NPAS3: variants seen among roughly 807,000 people sequenced by gnomAD.
NPAS3 encodes neuronal PAS domain protein 3, also known as neuronal PAS domain-containing protein 3.
A neutral mutation model predicts 73.1 loss-of-function variants in NPAS3; 14 were observed. The observed-to-expected ratio is 0.19, with a 90% CI of 0.13 to 0.30. NPAS3 has a LOEUF of 0.30. NPAS3 is among the 10% of genes least tolerant of loss of function. The pLI is 1.00. For synonymous variants in NPAS3, 620 were observed against 541.5 expected, an observed-to-expected ratio of 1.14 and a Z score of -2.01; for missense variants, 1,096 against 1,250.0, an observed-to-expected ratio of 0.88 and a Z score of 1.86.
chr14:33,601,157 C>T (rs929337036), intron 5 of NPAS3, among the ~76,000 whole-genome samples: 4 of 152,128 alleles, frequency 2.6e-5, no homozygotes, highest in Non-Finnish European at 5.9e-5. Flanking sequence ...GAATTTATGT[C>T]GTGAAACAAG....
At chr14:33,281,623 C>G (rs1314403432) in intron 3 of NPAS3, among the ~76,000 whole-genome samples, 2 of 152,178 alleles carry the variant, frequency 1.3e-5, no homozygotes, top group African/African-American at 4.8e-5. Context: ...TAGAACAAGA[C>G]TCCACCTCAA....
chr14:33,159,566 T>TC (rs2044775091), intron 2 of NPAS3, among the ~76,000 whole-genome samples: 1 of 150,178 alleles, frequency 6.7e-6, no homozygotes, highest in Admixed American at 6.6e-5. Context: ...TTTTTTTTTT[T>TC]TTTTTGAGAT....
At chr14:33,664,339 C>G (rs1323421435) in intron 5 of NPAS3, among the ~76,000 whole-genome samples, 2 of 152,170 alleles carry the variant, frequency 1.3e-5, no homozygotes, top group Non-Finnish European at 2.9e-5. Flanking sequence ...AAACTGGACC[C>G]TTTCCTTACA....
intron 2 of NPAS3, among the ~76,000 whole-genome samples, chr14:33,057,173 G>A (rs921299376): frequency 4.6e-5 from 7 of 152,160 alleles, no homozygotes; most frequent in African/African-American, 1.7e-4. Context: ...CATGGTTTAG[G>A]TGACTGTATC....
chr14:33,199,789 A>G (rs536773496), intron 2 of NPAS3, among the ~76,000 whole-genome samples: 1 of 144,300 alleles, frequency 6.9e-6, no homozygotes, highest in South Asian at 2.1e-4. Context: ...ACTAATTTAC[A>G]GTAGGTTTAA....
intron 2 of NPAS3, among the ~76,000 whole-genome samples, chr14:33,209,237 C>A (rs546842770): frequency 2.0e-5 from 3 of 151,790 alleles, no homozygotes; most frequent in Non-Finnish European, 4.4e-5. Flanking sequence ...ATTATGTTAC[C>A]GTTACCTTAT....
intron 4 of NPAS3, among the ~76,000 whole-genome samples, chr14:33,477,153 CT>C (rs2051077347): frequency 6.6e-6 from 1 of 152,060 alleles, no homozygotes; most frequent in Non-Finnish European, 1.5e-5. Context: ...ATAATTTCAG[CT>C]TCTTTTGTCT....
intron 1 of NPAS3, among the ~76,000 whole-genome samples, chr14:33,051,296 A>AAAAAAAGAG (rs771840433): frequency 5.6e-5 from 8 of 142,554 alleles, no homozygotes; most frequent in African/African-American, 2.2e-4. Flanking sequence ...AAAAAAAAAA[A>AAAAAAAGAG]AGAGAGACTA....
chr14:33,199,452 A>G (rs532346006), intron 2 of NPAS3, among the ~76,000 whole-genome samples: 6 of 152,250 alleles, frequency 3.9e-5, no homozygotes, highest in Admixed American at 6.5e-5. Context: ...CGGCATTCTG[A>G]ATGTTACTGT....
intron 2 of NPAS3, 200 bp from the exon 3 acceptor site, chr14:33,214,982 G>A: frequency 5.1e-6 from 3 of 591,728 alleles, no homozygotes; most frequent in Non-Finnish European, 8.9e-6. Context: ...TTGGACTTGA[G>A]TTTACAAAAT....
intron 5 of NPAS3, among the ~76,000 whole-genome samples, chr14:33,627,597 A>C (rs1349978516): frequency 6.6e-6 from 1 of 152,244 alleles, no homozygotes; most frequent in Non-Finnish European, 1.5e-5. Context: ...CAAGGTAGGC[A>C]GCTGATTCTC....
At chr14:33,386,811 TAATG>T (rs1028600520) in intron 4 of NPAS3, among the ~76,000 whole-genome samples, 5 of 152,210 alleles carry the variant, frequency 3.3e-5, no homozygotes, top group African/African-American at 4.8e-5. Context: ...TGATTGACGT[TAATG>T]AGAATCAGGT....
At chr14:33,641,546 CTG>C (rs2058675877) in intron 5 of NPAS3, among the ~76,000 whole-genome samples, 1 of 152,142 alleles carries the variant, frequency 6.6e-6, no homozygotes, top group Non-Finnish European at 1.5e-5. Flanking sequence ...ATTCTTTTGA[CTG>C]TGTCTGAGGT....
At chr14:33,014,679 GTAA>G (rs1485874933) in intron 1 of NPAS3, among the ~76,000 whole-genome samples, 1 of 152,128 alleles carries the variant, frequency 6.6e-6, no homozygotes, top group Non-Finnish European at 1.5e-5. Context: ...AGGTACCTGG[GTAA>G]TAATATTACT....
chr14:33,657,914 T>C (rs1312985041), intron 5 of NPAS3, among the ~76,000 whole-genome samples: 2 of 152,192 alleles, frequency 1.3e-5, no homozygotes, highest in African/African-American at 4.8e-5. Flanking sequence ...AAATGCCAAC[T>C]CTTCCAAGTA....
intron 6 of NPAS3, among the ~76,000 whole-genome samples, chr14:33,714,647 T>TA (rs1160482057): frequency 6.6e-6 from 1 of 152,208 alleles, no homozygotes; most frequent in Non-Finnish European, 1.5e-5. Flanking sequence ...TTTCCCTTTT[T>TA]AAAAGCAAGA....
intron 3 of NPAS3, among the ~76,000 whole-genome samples, chr14:33,364,694 C>T (rs764062525): frequency 2.6e-5 from 4 of 152,126 alleles, no homozygotes; most frequent in Admixed American, 1.3e-4. Context: ...GAAGACATTT[C>T]CTCAGAGCAC....
intron 9 of NPAS3, among the ~76,000 whole-genome samples, chr14:33,784,016 C>CG (rs1776092868): frequency 6.6e-6 from 1 of 152,224 alleles, no homozygotes; most frequent in East Asian, 1.9e-4. Flanking sequence ...TCAGGGTACT[C>CG]GATCAGTATT....
chr14:33,766,834 C>G (rs1487286083), intron 7 of NPAS3, among the ~76,000 whole-genome samples: 1 of 152,148 alleles, frequency 6.6e-6, no homozygotes, highest in African/African-American at 2.4e-5. Flanking sequence ...ATTGTCACCC[C>G]CTCCCTGGAT....
Sources: allele counts gnomAD v4.1 joint callset (sites outside exome capture counted in the v4.1 genomes callset), GRCh38; gene constraint gnomAD v4.1.1; transcripts MANE v1.5; gene names NCBI Gene and HGNC (gene_info 2026-07-23, HGNC 2026-07-21).